The following SGIP1 variants were observed in gnomAD, a reference collection of about 807,000 sequenced individuals.
SGIP1 encodes the protein SH3-containing GRB2-like protein 3-interacting protein 1.
Under a neutral mutation model 107.5 loss-of-function variants are expected in SGIP1, and 38 were observed. That is an observed-to-expected ratio of 0.35 (90% CI 0.27 to 0.46). The LOEUF is 0.46. SGIP1 is among the 20% of genes least tolerant of loss of function. The probability of loss-of-function intolerance (pLI) is 1.00; values close to 1 mark genes in which losing one functional copy is unlikely to be tolerated. For synonymous variants in SGIP1, 365 were observed against 366.1 expected (o/e 1.00, Z 0.03); for missense variants, 929 against 1,019.5 (o/e 0.91, Z 1.21).
intron 4 of SGIP1, among the ~76,000 whole-genome samples, chr1:66,636,857 A>T (rs1311378267): frequency 6.6e-6 from 1 of 152,182 alleles, no homozygotes; most frequent in Non-Finnish European, 1.5e-5. Flanking sequence ...ATTGAACTTA[A>T]CTGTCACTAT....
chr1:66,667,437 C>A, intron 8 of SGIP1, 93 bp from the exon 9 acceptor site: 1 of 1,171,402 alleles, frequency 8.5e-7, no homozygotes, highest in Non-Finnish European at 1.3e-6. Flanking sequence ...GTTTGGTTAG[C>A]TGCTTATAAA....
intron 7 of SGIP1, among the ~76,000 whole-genome samples, chr1:66,648,314 T>C (rs1443275827): frequency 6.6e-6 from 1 of 152,142 alleles, no homozygotes; most frequent in African/African-American, 2.4e-5. Flanking sequence ...ATGGTGCATT[T>C]TGGTGTCCAT....
At chr1:66,637,898 A>G (rs1337903054) in intron 4 of SGIP1, among the ~76,000 whole-genome samples, 1 of 151,258 alleles carries the variant, frequency 6.6e-6, no homozygotes, top group African/African-American at 2.4e-5. Flanking sequence ...TAAACTGTTT[A>G]GCTGAACATA....
chr1:66,551,817 T>C (rs748294010), intron 1 of SGIP1, among the ~76,000 whole-genome samples: 33 of 152,170 alleles, frequency 2.2e-4, no homozygotes, highest in Non-Finnish European at 3.8e-4. Context: ...ATAAGGCACC[T>C]GCCTCCAACG....
chr1:66,649,188 G>A (rs1447614974), intron 7 of SGIP1, among the ~76,000 whole-genome samples: 1 of 152,132 alleles, frequency 6.6e-6, no homozygotes, highest in Non-Finnish European at 1.5e-5. Context: ...TCTCTTGCCT[G>A]TCTCAGACTT....
At chr1:66,588,973 T>C (rs1434602497) in intron 1 of SGIP1, among the ~76,000 whole-genome samples, 1 of 148,960 alleles carries the variant, frequency 6.7e-6, no homozygotes, top group Non-Finnish European at 1.5e-5. Flanking sequence ...AAAAATTCTC[T>C]ACTGAGCACA....
chr1:66,645,652 A>G (rs561892875), intron 7 of SGIP1, among the ~76,000 whole-genome samples: 2 of 152,188 alleles, frequency 1.3e-5, no homozygotes, highest in East Asian at 3.9e-4. Context: ...TGATTCCTAA[A>G]TATTTATAAT....
intron 15 of SGIP1, among the ~76,000 whole-genome samples, chr1:66,684,536 T>C (rs764688619): frequency 1.3e-4 from 20 of 152,232 alleles, no homozygotes; most frequent in Admixed American, 2.6e-4. Context: ...GTGTGTACTT[T>C]TATTTTCTAT....
At chr1:66,659,950 A>AAGAGAAAG (rs752459188) in intron 7 of SGIP1, among the ~76,000 whole-genome samples, 1 of 43,016 alleles carries the variant, frequency 2.3e-5, no homozygotes, top group African/African-American at 1.3e-4. Flanking sequence ...AAAAGAAAGA[A>AAGAGAAAG]AAAGAAAGAA....
At chr1:66,734,332 TAATAAAGGAATGTTTG>T (rs1388177649) in intron 21 of SGIP1, among the ~76,000 whole-genome samples, 1 of 152,110 alleles carries the variant, frequency 6.6e-6, no homozygotes, top group Non-Finnish European at 1.5e-5. Flanking sequence ...AATAGTTCAA[TAATAAAGGAATGTTTG>T]ATACTTACAA....
At chr1:66,724,427 T>C (rs1227924812) in intron 19 of SGIP1, among the ~76,000 whole-genome samples, 1 of 152,170 alleles carries the variant, frequency 6.6e-6, no homozygotes, top group Non-Finnish European at 1.5e-5. Context: ...TTGGTGAGTA[T>C]AGAAAATATT....
At chr1:66,639,620 T>C (rs373579055) in intron 4 of SGIP1, among the ~76,000 whole-genome samples, 157 bp from the exon 5 acceptor site, 3 of 152,226 alleles carry the variant, frequency 2.0e-5, no homozygotes, top group Admixed American at 6.5e-5. Flanking sequence ...ACCATTCCAT[T>C]ACACAAATGT....
intron 7 of SGIP1, among the ~76,000 whole-genome samples, chr1:66,653,716 G>A (rs1455503587): frequency 1.3e-5 from 2 of 152,124 alleles, no homozygotes; most frequent in East Asian, 3.8e-4. Flanking sequence ...TGTTAGGATG[G>A]CCTCAGTAGA....
intron 1 of SGIP1, among the ~76,000 whole-genome samples, chr1:66,591,087 T>C (rs573454443): frequency 6.6e-6 from 1 of 152,304 alleles, no homozygotes; most frequent in East Asian, 1.9e-4. Context: ...ATCGTCTGTG[T>C]TCATTGACTT....
intron 1 of SGIP1, among the ~76,000 whole-genome samples, chr1:66,609,049 T>TATCCCACAGGGATGAAG (rs1553253355): frequency 5.9e-5 from 9 of 152,252 alleles, no homozygotes; most frequent in South Asian, 2.1e-4. Context: ...AGGTCACTTT[T>TATCCCACAGGGATGAAG]GACACTTGAG....
chr1:66,624,941 G>C (rs766263177), intron 1 of SGIP1, among the ~76,000 whole-genome samples: 15 of 152,074 alleles, frequency 9.9e-5, no homozygotes, highest in Non-Finnish European at 1.8e-4. Flanking sequence ...GGAAGAAAAG[G>C]GCTTTCTTAG....
chr1:66,625,329 A>G (rs1480651981), intron 1 of SGIP1, among the ~76,000 whole-genome samples: 1 of 152,242 alleles, frequency 6.6e-6, no homozygotes, highest in Non-Finnish European at 1.5e-5. Context: ...GGGTGTGTTC[A>G]GAGAATGGTT....
At chr1:66,630,965 GAA>G (rs148955362) in intron 2 of SGIP1, among the ~76,000 whole-genome samples, 1,370 of 69,956 alleles carry the variant, frequency 0.02, 331 homozygotes, top group African/African-American at 0.043. Context: ...GAGAAAGAAA[GAA>G]AGAGAGGAAA....
chr1:66,680,760 AC>A (rs992300297), intron 14 of SGIP1, among the ~76,000 whole-genome samples: 11 of 152,202 alleles, frequency 7.2e-5, no homozygotes, highest in African/African-American at 2.4e-4. Flanking sequence ...TAGCCTTGGA[AC>A]CTTGAAAGTT....
Sources: gnomAD v4.1 joint callset for allele counts (sites outside exome capture counted in the v4.1 genomes callset) on GRCh38, gnomAD v4.1.1 for gene constraint, MANE v1.5 for transcripts, NCBI Gene and HGNC (gene_info 2026-07-23, HGNC 2026-07-21) for gene names.